FBN2: variants seen among roughly 807,000 people sequenced by gnomAD.
FBN2 encodes fibrillin 2.
In FBN2, 105 loss-of-function variants were observed where a neutral mutation model predicts 355.6. The observed-to-expected ratio is 0.30, with a 90% CI of 0.25 to 0.35. The LOEUF is 0.35. FBN2 is among the 10% of genes least tolerant of loss of function. FBN2 has a pLI of 1.00. For synonymous variants in FBN2, 1,350 were observed against 1,301.2 expected (o/e 1.04, Z -0.81); for missense variants, 3,280 against 3,758.7 (o/e 0.87, Z 3.33).
At chr5:128,332,088 A>T (rs1750708735) in intron 32 of FBN2, among the ~76,000 whole-genome samples, 1 of 152,224 alleles carries the variant, frequency 6.6e-6, no homozygotes, top group African/African-American at 2.4e-5. Flanking sequence ...TTTGATAAGT[A>T]TGAAATATTT....
chr5:128,412,187 C>G (rs141542793), intron 7 of FBN2, among the ~76,000 whole-genome samples: 3 of 152,270 alleles, frequency 2.0e-5, no homozygotes, highest in Non-Finnish European at 4.4e-5. Context: ...AATTTAATAG[C>G]TGTCATATCT....
intron 49 of FBN2, among the ~76,000 whole-genome samples, chr5:128,291,266 AATTAACATAGTC>A (rs995339464): frequency 6.6e-6 from 1 of 152,126 alleles, no homozygotes; most frequent in African/African-American, 2.4e-5. Flanking sequence ...ACAACAACAA[AATTAACATAGTC>A]ATTCTGATAA....
Position 128,301,484 on chromosome 5 carries a change from C to A in FBN2, c.5944G>T (p.Gly1982Cys). The A allele has an allele frequency of 6.2e-7, 1 of 1,613,144 alleles. No homozygotes were observed. Among genetic ancestry groups the A allele is most frequent in the Non-Finnish European group, 8.5e-7 (1 of 1,179,666 alleles). Residue 1982 changes from glycine to cysteine, a missense_variant, in exon 47 of 65, where the codon GGT becomes TGT. Physicochemically the swap from Gly to Cys is radical, Grantham distance 159. Coordinates refer to ENST00000262464, the MANE Select transcript of FBN2 (RefSeq NM_001999.4). ...CAACGTCCATTTCTGCACACCTGAC[C>A]AAAAAAGGAACTGCACTCATCTATG... ...LDIDECSSFF[G>C]QVCRNGRCFN...
At chr5:128,325,267 T>G (rs2126882274) in intron 34 of FBN2, among the ~76,000 whole-genome samples, 1 of 152,340 alleles carries the variant, frequency 6.6e-6, no homozygotes, top group Non-Finnish European at 1.5e-5. Context: ...CTCTAAGAAC[T>G]TGCTTTATGA....
At chr5:128,535,615 C>A (rs1004889720) in intron 2 of FBN2, among the ~76,000 whole-genome samples, 16 of 152,164 alleles carry the variant, frequency 1.1e-4, no homozygotes, top group Non-Finnish European at 1.3e-4. Flanking sequence ...GAGTCCGTGA[C>A]TGTGAGGCTG....
intron 55 of FBN2, among the ~76,000 whole-genome samples, chr5:128,282,106 G>T (rs955827142): frequency 6.6e-6 from 1 of 152,076 alleles, no homozygotes. Flanking sequence ...CCCTTAGAAT[G>T]CTTTCAAAAT....
rs375990083 is a variant in FBN2, at chr5:128,300,916, G to T, written c.6067C>A (p.Leu2023Ile). 2.5e-6 allele frequency: 4 copies of T among 1,613,622 alleles called. No individual in the cohort carries two copies. Among genetic ancestry groups the T allele is most frequent in the Non-Finnish European group, 3.4e-6 (4 of 1,179,656 alleles). Residue 2023 changes from leucine to isoleucine, a missense_variant, in exon 48 of 65, where the codon CTT becomes ATT. Leu to Ile is a conservative substitution (Grantham distance 5). This residue lies in a region of FBN2 where 2,284 missense variants were observed against 2,749.5 expected (regional missense o/e 0.83). Coordinates refer to ENST00000262464, the MANE Select transcript of FBN2 (RefSeq NM_001999.4). ...GTACCAGGAGAGCAAGAGCCGGGAA[G>T]GGCGACACACTCATTAGTGTCTTTA... ...NCIDTNECVA[L>I]PGSCSPGTCQ...
At chr5:128,392,510 T>C (rs1228030165) in intron 10 of FBN2, among the ~76,000 whole-genome samples, 2 of 152,210 alleles carry the variant, frequency 1.3e-5, no homozygotes, top group Non-Finnish European at 2.9e-5. Flanking sequence ...CATAACACTG[T>C]AGGACATCTT....
intron 5 of FBN2, among the ~76,000 whole-genome samples, chr5:128,483,297 CT>C (rs1426977017): frequency 6.6e-6 from 1 of 152,032 alleles, no homozygotes; most frequent in Admixed American, 6.6e-5. Context: ...CATGTACCCC[CT>C]GAATCTAAAA....
chr5:128,361,581 C>G, intron 19 of FBN2, 142 bp downstream of exon 19: 1 of 1,057,798 alleles, frequency 9.5e-7, no homozygotes, highest in Non-Finnish European at 1.4e-6. Flanking sequence ...ATTTCAAAAA[C>G]TGGCAGATTA....
chr5:128,496,796 T>C (rs1233636988), intron 5 of FBN2, among the ~76,000 whole-genome samples: 2 of 151,754 alleles, frequency 1.3e-5, no homozygotes, highest in African/African-American at 2.4e-5. Flanking sequence ...TAATATATAA[T>C]ACATGTAAAA....
chr5:128,508,854 A>G (rs1756036212), intron 5 of FBN2, among the ~76,000 whole-genome samples: 1 of 152,054 alleles, frequency 6.6e-6, no homozygotes, highest in Non-Finnish European at 1.5e-5. Flanking sequence ...AAGACATTTT[A>G]TTAAATATAA....
At chr5:128,487,874 CT>C (rs977567487) in intron 5 of FBN2, among the ~76,000 whole-genome samples, 42 of 152,200 alleles carry the variant, frequency 2.8e-4, no homozygotes, top group African/African-American at 9.6e-4. Flanking sequence ...ATCATAACCC[CT>C]TATGTCCCTA....
At chr5:128,502,276 C>G (rs919165510) in intron 5 of FBN2, among the ~76,000 whole-genome samples, 1 of 115,600 alleles carries the variant, frequency 8.7e-6, no homozygotes, top group Non-Finnish European at 1.7e-5. Flanking sequence ...TTCACTAAAA[C>G]TTATACAGAA....
intron 5 of FBN2, among the ~76,000 whole-genome samples, chr5:128,502,854 C>T (rs1755854722): frequency 6.6e-6 from 1 of 152,314 alleles, no homozygotes; most frequent in East Asian, 1.9e-4. Context: ...GAAAATTCCT[C>T]TTCTTTATGT....
intron 7 of FBN2, among the ~76,000 whole-genome samples, chr5:128,414,262 C>T (rs753293760): frequency 1.3e-5 from 2 of 152,142 alleles, no homozygotes; most frequent in African/African-American, 2.4e-5. Flanking sequence ...CAAGGAAATT[C>T]CAGCCTATTA....
chr5:128,367,281 C>T (rs1044924660), intron 16 of FBN2, among the ~76,000 whole-genome samples: 1 of 152,128 alleles, frequency 6.6e-6, no homozygotes, highest in African/African-American at 2.4e-5. Context: ...TTTTAATACC[C>T]TCATTATCAC....
chr5:128,495,854 A>G (rs1413371211), intron 5 of FBN2, among the ~76,000 whole-genome samples: 1 of 152,148 alleles, frequency 6.6e-6, no homozygotes, highest in African/African-American at 2.4e-5. Context: ...AAAGAGGATA[A>G]TGAAGTAATA....
In FBN2 at chr5:128,369,211, G is replaced by C. The variant is rs1204171410; in HGVS notation, c.2219C>G (p.Pro740Arg). 9 of 1,614,006 alleles carry C rather than the reference G, an allele frequency of 5.6e-6. No individual in the cohort carries two copies. The highest frequency in any genetic ancestry group is 1.7e-5 in the Admixed American group (1 of 59,976). Residue 740 changes from proline (P) to arginine (R), a missense_variant, in exon 16 of 65, where the codon CCC (proline) becomes CGC (arginine). Coordinates refer to ENST00000262464, the MANE Select transcript of FBN2 (RefSeq NM_001999.4). Reference protein sequence around the residue: ...CANPDYGFGEPCQPCPAKNSA... With the variant: ...CANPDYGFGERCQPCPAKNSA... ...ATTTTTTGCAGGGCATGGCTGGCAG[G>C]GTTCTCCAAAACCATAGTCTGGATT...
Sources: gnomAD v4.1 joint callset for allele counts (sites outside exome capture counted in the v4.1 genomes callset) on GRCh38, gnomAD v4.1.1 for gene constraint, gnomAD v4.1.1 regional missense constraint, MANE v1.5 for transcripts, NCBI Gene and HGNC (gene_info 2026-07-23, HGNC 2026-07-21) for gene names.